Variants in ST6GALNAC3 observed in about 807,000 individuals in gnomAD.
The protein encoded by ST6GALNAC3 is ST6 N-acetylgalactosaminide alpha-2,6-sialyltransferase 3, also known as alpha-N-acetylgalactosaminide alpha-2,6-sialyltransferase 3.
A neutral mutation model predicts 32.7 loss-of-function variants in ST6GALNAC3; 25 were observed. The ratio of observed to expected loss-of-function variants is 0.76; its 90% CI spans 0.56 to 1.07. The LOEUF is 1.07. Among genes scored for constraint, ST6GALNAC3 ranks in the 50% least tolerant of loss-of-function variants. The pLI, the probability that ST6GALNAC3 is intolerant of heterozygous loss-of-function variation, is 0.00. For synonymous variants in ST6GALNAC3, 129 were observed against 133.1 expected (o/e 0.97, Z 0.21); for missense variants, 355 against 382.4 (o/e 0.93, Z 0.60).
chr1:76,185,318 T>C (rs1653481638), intron 1 of ST6GALNAC3, among the ~76,000 whole-genome samples: 2 of 152,192 alleles, frequency 1.3e-5, no homozygotes, highest in Non-Finnish European at 2.9e-5. Flanking sequence ...TGGTCCCTGC[T>C]TGGAGAGGTT....
chr1:76,512,679 T>C (rs188633079), intron 3 of ST6GALNAC3, among the ~76,000 whole-genome samples: 1 of 152,286 alleles, frequency 6.6e-6, no homozygotes, highest in Admixed American at 6.5e-5. Context: ...TCCTGTCTAA[T>C]TGTAACTTTG....
intron 1 of ST6GALNAC3, among the ~76,000 whole-genome samples, chr1:76,239,726 C>T (rs1181651528): frequency 6.6e-6 from 1 of 152,162 alleles, no homozygotes; most frequent in East Asian, 1.9e-4. Flanking sequence ...CACATTTCAA[C>T]ATGAGATTTG....
intron 3 of ST6GALNAC3, among the ~76,000 whole-genome samples, chr1:76,426,140 C>A (rs1263419371): frequency 6.6e-6 from 1 of 151,742 alleles, no homozygotes; most frequent in African/African-American, 2.4e-5. Context: ...AACACTCTCC[C>A]ACCCCCAACT....
chr1:76,535,769 T>A (rs1663554554), intron 3 of ST6GALNAC3, among the ~76,000 whole-genome samples: 1 of 152,286 alleles, frequency 6.6e-6, no homozygotes, highest in Non-Finnish European at 1.5e-5. Context: ...TTATTAAAAT[T>A]CTAAACAGCA....
intron 1 of ST6GALNAC3, among the ~76,000 whole-genome samples, chr1:76,147,980 A>G (rs934334235): frequency 3.9e-5 from 6 of 152,072 alleles, no homozygotes; most frequent in Admixed American, 2.6e-4. Flanking sequence ...TACCTGTTTT[A>G]CCAGTCAGTT....
intron 1 of ST6GALNAC3, among the ~76,000 whole-genome samples, chr1:76,269,567 A>T (rs1414530958): frequency 2.0e-5 from 3 of 152,214 alleles, no homozygotes; most frequent in Non-Finnish European, 4.4e-5. Flanking sequence ...TGGAAAACAT[A>T]TTTGGGTGCC....
intron 1 of ST6GALNAC3, among the ~76,000 whole-genome samples, chr1:76,166,906 A>G (rs1652159163): frequency 6.6e-6 from 1 of 152,140 alleles, no homozygotes; most frequent in Non-Finnish European, 1.5e-5. Context: ...TTTTGGGCTG[A>G]GACTATTGGG....
At chr1:76,528,652 T>C (rs1663065331) in intron 3 of ST6GALNAC3, among the ~76,000 whole-genome samples, 1 of 151,972 alleles carries the variant, frequency 6.6e-6, no homozygotes, top group Non-Finnish European at 1.5e-5. Context: ...GGATAGTGTT[T>C]GTTGCCCTTG....
At position 76,369,737 on chromosome 1, in the gene ST6GALNAC3, ACATAACAGTG is replaced by A. The variant is rs1261220778; in HGVS notation, c.214-42264_214-42255del. Among the ~76,000 whole-genome samples the A allele has an allele frequency of 5.3e-5, 8 of 152,210 alleles. No individual in the cohort carries two copies. The East Asian group carries it at 9.6e-4, about 18-fold the overall frequency. ...TAGGAAAAAAGGAGGGGTAGAAAAC[ACATAACAGTG>A]CATAACTTATGGTACAGACTGAGAC... On this transcript the variant is annotated intron_variant, in intron 2 of 4. Transcript: ENST00000328299.
intron 3 of ST6GALNAC3, among the ~76,000 whole-genome samples, chr1:76,564,607 A>G (rs1175464527): frequency 2.0e-4 from 25 of 124,196 alleles, no homozygotes; most frequent in Admixed American, 2.7e-4. Flanking sequence ...TTTTTTTGAG[A>G]TGGAGTCTAG....
At chr1:76,602,764 A>T (rs2100636996) in intron 3 of ST6GALNAC3, among the ~76,000 whole-genome samples, 1 of 152,142 alleles carries the variant, frequency 6.6e-6, no homozygotes, top group South Asian at 2.1e-4. Flanking sequence ...TAATTGATTA[A>T]TTTTAAGTTA....
intron 1 of ST6GALNAC3, among the ~76,000 whole-genome samples, chr1:76,256,516 A>G (rs183264076): frequency 1.7e-3 from 260 of 152,240 alleles, no homozygotes; most frequent in Non-Finnish European, 2.8e-3. Context: ...TACTGCTTCC[A>G]TGAGTTTAAA....
chr1:76,133,913 G>A (rs1024695276), intron 1 of ST6GALNAC3, among the ~76,000 whole-genome samples: 1 of 152,190 alleles, frequency 6.6e-6, no homozygotes, highest in Non-Finnish European at 1.5e-5. Flanking sequence ...GATAACCAAT[G>A]CAGGGTGATA....
At chr1:76,394,985 A>G (rs1652838025) in intron 2 of ST6GALNAC3, among the ~76,000 whole-genome samples, 1 of 144,422 alleles carries the variant, frequency 6.9e-6, no homozygotes, top group South Asian at 2.4e-4. Context: ...TACATTTTGG[A>G]TTGCCTTTGC....
chr1:76,105,411 A>T (rs988340084), intron 1 of ST6GALNAC3, among the ~76,000 whole-genome samples: 13 of 152,172 alleles, frequency 8.5e-5, no homozygotes, highest in African/African-American at 3.1e-4. Flanking sequence ...AATGAATGTG[A>T]ATTCACTGAA....
chr1:76,146,018 C>A (rs2992502), intron 1 of ST6GALNAC3, among the ~76,000 whole-genome samples: 15,901 of 152,154 alleles, frequency 0.1, 1,106 homozygotes, highest in Non-Finnish European at 0.15. Flanking sequence ...AAACGTATGG[C>A]CATCTAAAAG....
intron 3 of ST6GALNAC3, among the ~76,000 whole-genome samples, chr1:76,528,777 T>TC (rs950966180): frequency 6.6e-6 from 1 of 151,432 alleles, no homozygotes; most frequent in Non-Finnish European, 1.5e-5. Flanking sequence ...AGCAAGAATA[T>TC]CTTTGTTCAG....
In ST6GALNAC3 at chr1:76,153,678, G is replaced by A. The variant is rs540870246; in HGVS notation, c.18+78794G>A. ...GGTATAACTTGTCCTGTGTTGCTAA[G>A]TTTTAAACATATCTATATTTTGTTT... On this transcript the variant is annotated intron_variant, in intron 1 of 4. Transcript: ENST00000328299. Among the ~76,000 whole-genome samples the A allele has an allele frequency of 3.3e-5, 5 of 152,258 alleles. No homozygotes were observed. The South Asian group carries it at 6.2e-4, about 19-fold the overall frequency.
At chr1:76,518,876 C>A (rs1388879715) in intron 3 of ST6GALNAC3, among the ~76,000 whole-genome samples, 7 of 151,984 alleles carry the variant, frequency 4.6e-5, no homozygotes, top group African/African-American at 1.7e-4. Context: ...ACCAGCCTGA[C>A]CAACATGGTG....
Sources: gnomAD v4.1 joint callset for allele counts (sites outside exome capture counted in the v4.1 genomes callset) on GRCh38, gnomAD v4.1.1 for gene constraint, MANE v1.5 for transcripts, NCBI Gene and HGNC (gene_info 2026-07-23, HGNC 2026-07-21) for gene names.